The following FRAS1 variants were observed in gnomAD, a reference collection of about 807,000 sequenced individuals.
The protein encoded by FRAS1 is extracellular matrix organizing protein FRAS1.
Under a neutral mutation model 435.2 loss-of-function variants are expected in FRAS1, and 290 were observed. That is an observed-to-expected ratio of 0.67 (90% CI 0.61 to 0.73). The LOEUF is 0.73. Among genes scored for constraint, FRAS1 ranks in the 30% least tolerant of loss-of-function variants. The pLI, the probability that FRAS1 is intolerant of heterozygous loss-of-function variation, is 0.00. For synonymous variants in FRAS1, 1,800 were observed against 1,851.0 expected (o/e 0.97, Z 0.71); for missense variants, 4,860 against 5,001.5 (o/e 0.97, Z 0.85).
intron 2 of FRAS1, among the ~76,000 whole-genome samples, chr4:78,092,418 G>A (rs544531230): frequency 6.6e-6 from 1 of 152,314 alleles, no homozygotes; most frequent in African/African-American, 2.4e-5. Context: ...TGGAAGGCAA[G>A]GAGGAGCAAG....
intron 41 of FRAS1, 88 bp from the exon 42 acceptor site, chr4:78,445,433 TG>T: frequency 7.0e-7 from 1 of 1,425,012 alleles, no homozygotes; most frequent in Non-Finnish European, 9.2e-7. Context: ...TCTTTTTTTT[TG>T]CCGAAAATGA....
intron 61 of FRAS1, among the ~76,000 whole-genome samples, chr4:78,505,131 C>T (rs62310262): frequency 0.33 from 50,013 of 152,002 alleles, 8,960 homozygotes; most frequent in South Asian, 0.52. Context: ...GTGGGTAATC[C>T]GACCTTTCTC....
intron 18 of FRAS1, among the ~76,000 whole-genome samples, chr4:78,322,777 G>A (rs1729560655): frequency 6.6e-6 from 1 of 152,218 alleles, no homozygotes; most frequent in South Asian, 2.1e-4. Context: ...GAAGCTGGAG[G>A]ACAGTCTGTC....
chr4:78,262,239 A>G lies in FRAS1; in HGVS notation c.604-2786A>G, dbSNP rs549922839. On this transcript the variant is annotated intron_variant, in intron 6 of 73. Transcript: ENST00000512123. ...CTTTCCATGTCTCTCTCTGACTGTGATTCTTTACACCGGGGCACTCTCCTT... is the reference window on the plus strand; with the variant it reads ...CTTTCCATGTCTCTCTCTGACTGTGGTTCTTTACACCGGGGCACTCTCCTT... 5.9e-5 allele frequency among the ~76,000 whole-genome samples: 9 copies of G among 152,240 alleles called. No individual in the cohort carries two copies. The East Asian group carries it at 1.7e-3, about 29-fold the overall frequency.
chr4:78,137,363 C>T lies in FRAS1; in HGVS notation c.108+71347C>T, dbSNP rs569483249. Among the ~76,000 whole-genome samples the T allele has an allele frequency of 9.2e-5, 14 of 152,092 alleles. No individual in the cohort carries two copies. The South Asian group carries it at 2.9e-3, about 32-fold the overall frequency. The stretch of plus-strand genomic sequence containing the variant: ...CTTCTTTAATCATATATGTATATTT[C>T]TGTGTTGGTGTGTGTATATAAATAT... On this transcript the variant is annotated intron_variant, in intron 2 of 73. Coordinates refer to ENST00000512123, the MANE Select transcript of FRAS1 (RefSeq NM_025074.7).
chr4:78,332,434 T>C (rs1310282150), intron 18 of FRAS1, among the ~76,000 whole-genome samples: 3 of 152,214 alleles, frequency 2.0e-5, no homozygotes, highest in Admixed American at 1.3e-4. Flanking sequence ...CTAGCAGAGA[T>C]GTTTTCTTTC....
intron 23 of FRAS1, among the ~76,000 whole-genome samples, chr4:78,371,972 C>T (rs1731532549): frequency 6.6e-6 from 1 of 152,180 alleles, no homozygotes; most frequent in Admixed American, 6.5e-5. Flanking sequence ...TATTTGCATG[C>T]ACATTCAAGG....
intron 41 of FRAS1, among the ~76,000 whole-genome samples, chr4:78,441,729 A>G (rs1311294566): frequency 6.6e-6 from 1 of 152,176 alleles, no homozygotes; most frequent in Non-Finnish European, 1.5e-5. Context: ...TCCAGGAAGT[A>G]AAAATTCCTG....
At chr4:78,470,245 T>C (rs191176699) in intron 51 of FRAS1, among the ~76,000 whole-genome samples, 154 bp downstream of exon 51, 143 of 152,352 alleles carry the variant, frequency 9.4e-4, no homozygotes, top group African/African-American at 3.2e-3. Flanking sequence ...TCCGTGAGTT[T>C]GGTTAGGATA....
intron 2 of FRAS1, 117 bp from the exon 3 acceptor site, chr4:78,237,393 C>G: frequency 1.5e-6 from 1 of 669,830 alleles, no homozygotes; most frequent in South Asian, 1.9e-5. Flanking sequence ...TGTGGTGTGC[C>G]TGTGACTTTT....
chr4:78,302,685 C>G (rs1021289804), intron 14 of FRAS1, among the ~76,000 whole-genome samples: 6 of 151,874 alleles, frequency 4.0e-5, no homozygotes, highest in African/African-American at 1.4e-4. Flanking sequence ...GTCCTTCACC[C>G]ACTTTTTGAT....
intron 2 of FRAS1, chr4:78,181,060 G>A: frequency 1.3e-6 from 2 of 1,574,846 alleles, no homozygotes; most frequent in Non-Finnish European, 1.7e-6. Context: ...GCTGGCTTCT[G>A]GAAATGATGG....
chr4:78,193,765 A>G (rs1384387859), intron 2 of FRAS1, among the ~76,000 whole-genome samples: 1 of 152,152 alleles, frequency 6.6e-6, no homozygotes, highest in Non-Finnish European at 1.5e-5. Context: ...CATTTAGCCC[A>G]TTTACATTTA....
chr4:78,283,795 C>G (rs1240510596), intron 12 of FRAS1, among the ~76,000 whole-genome samples: 1 of 152,110 alleles, frequency 6.6e-6, no homozygotes, highest in Non-Finnish European at 1.5e-5. Flanking sequence ...CCAAAACAAA[C>G]ATTTAGCATA....
chr4:78,270,125 A>G (rs191481245), intron 9 of FRAS1, among the ~76,000 whole-genome samples: 43 of 152,344 alleles, frequency 2.8e-4, no homozygotes, highest in Admixed American at 2.8e-3. Flanking sequence ...TACTAATTGG[A>G]GTGAACTCCC....
chr4:78,106,063 G>A (rs1262782576), intron 2 of FRAS1, among the ~76,000 whole-genome samples: 4 of 129,066 alleles, frequency 3.1e-5, no homozygotes, highest in Non-Finnish European at 5.0e-5. Flanking sequence ...GGCGCACCAC[G>A]AGACTATATC....
At chr4:78,213,783 G>A (rs181755298) in intron 2 of FRAS1, among the ~76,000 whole-genome samples, 34 of 152,180 alleles carry the variant, frequency 2.2e-4, no homozygotes, top group Non-Finnish European at 3.5e-4. Context: ...CTAACTGAGC[G>A]CTCTTCTTGG....
chr4:78,379,712 C>A lies in FRAS1; in HGVS notation c.3293-14C>A. 6.2e-7 allele frequency: 1 copy of A among 1,603,076 alleles called. No homozygotes were observed. The highest frequency in any genetic ancestry group is 1.1e-5 in the South Asian group (1 of 87,492). ...GTACCATAAGCTTGACCTTTGGATTCATATGTTTTTCAGGCAAAATACACA... is the reference window on the plus strand; with the variant it reads ...GTACCATAAGCTTGACCTTTGGATTAATATGTTTTTCAGGCAAAATACACA... On this transcript the variant is annotated splice_polypyrimidine_tract_variant and intron_variant, in intron 26 of 73. Transcript: ENST00000512123.
chr4:78,540,437 C>T (rs1344337364), intron 73 of FRAS1, 94 bp from the exon 74 acceptor site: 19 of 690,576 alleles, frequency 2.8e-5, no homozygotes, highest in Non-Finnish European at 4.0e-5. Flanking sequence ...AATCAGTTAT[C>T]TATCAAGGCA....
Sources: gnomAD v4.1 joint callset for allele counts (sites outside exome capture counted in the v4.1 genomes callset) on GRCh38, gnomAD v4.1.1 for gene constraint, MANE v1.5 for transcripts, NCBI Gene and HGNC (gene_info 2026-07-23, HGNC 2026-07-21) for gene names.